DNAAF4: variants seen among roughly 807,000 people sequenced by gnomAD.
The protein encoded by DNAAF4 is dynein axonemal assembly factor 4.
A neutral mutation model predicts 51.8 loss-of-function variants in DNAAF4; 43 were observed. The observed-to-expected ratio is 0.83, with a 90% CI of 0.65 to 1.07. The LOEUF (loss-of-function observed/expected upper bound fraction) is 1.07, where lower values mean the gene tolerates loss of function less well. Among genes scored for constraint, DNAAF4 ranks in the 50% least tolerant of loss-of-function variants. The pLI, the probability that DNAAF4 is intolerant of heterozygous loss-of-function variation, is 0.00. For synonymous variants in DNAAF4, 194 were observed against 165.6 expected, an observed-to-expected ratio of 1.17 and a Z score of -1.32; for missense variants, 581 against 493.0, an observed-to-expected ratio of 1.18 and a Z score of -1.69.
At chr15:55,439,021 C>T (rs1204134658) in intron 7 of DNAAF4, among the ~76,000 whole-genome samples, 1 of 152,066 alleles carries the variant, frequency 6.6e-6, no homozygotes, top group East Asian at 1.9e-4. Context: ...AATATGGATG[C>T]CCTGTCTACC....
chr15:55,436,995 C>CT lies in DNAAF4; in HGVS notation c.894-1938dup, dbSNP rs1363475195. ...GCCACCACACCCAGCTAATTTTGTA[C>CT]TTTTAGTAAAGACAGGGTTTCTCCT... On this transcript the variant is annotated intron_variant, in intron 7 of 9. Transcript: ENST00000321149. Among the ~76,000 whole-genome samples, 3 of 151,598 alleles carry CT rather than the reference C, an allele frequency of 2.0e-5. No homozygotes were observed. The East Asian group carries it at 5.9e-4, about 30-fold the overall frequency.
intron 5 of DNAAF4, among the ~76,000 whole-genome samples, chr15:55,455,011 A>C (rs973198376): frequency 1.3e-5 from 2 of 150,222 alleles, no homozygotes; most frequent in Non-Finnish European, 3.0e-5. Context: ...GTAAATAAAA[A>C]CTTTATGAAA....
intron 7 of DNAAF4, among the ~76,000 whole-genome samples, chr15:55,421,713 C>A (rs960868540): frequency 6.6e-6 from 1 of 151,286 alleles, no homozygotes; most frequent in Non-Finnish European, 1.5e-5. Flanking sequence ...ATGGAGAAAC[C>A]CCATCTCCAC....
chr15:55,477,000 G>A (rs1351997017), intron 4 of DNAAF4, among the ~76,000 whole-genome samples: 2 of 151,988 alleles, frequency 1.3e-5, no homozygotes. Context: ...GTGAAACCCC[G>A]TCTCTACTAA....
chr15:55,448,826 C>A (rs1030190160), intron 6 of DNAAF4, among the ~76,000 whole-genome samples: 1 of 150,442 alleles, frequency 6.6e-6, no homozygotes, highest in African/African-American at 2.4e-5. Flanking sequence ...GCGGAGACTG[C>A]GCCACTGCAC....
chr15:55,502,737 C>T (rs932935563), intron 1 of DNAAF4, among the ~76,000 whole-genome samples: 5 of 152,114 alleles, frequency 3.3e-5, no homozygotes, highest in African/African-American at 9.7e-5. Context: ...AGAACAAAGA[C>T]ACAACGTACC....
intron 6 of DNAAF4, among the ~76,000 whole-genome samples, chr15:55,445,788 C>T (rs1402015136): frequency 6.9e-5 from 10 of 145,420 alleles, no homozygotes; most frequent in Non-Finnish European, 1.1e-4. Flanking sequence ...CGGGCAGAGG[C>T]GCTCCCCGCT....
intron 6 of DNAAF4, among the ~76,000 whole-genome samples, chr15:55,448,532 GTGTGTGTGTGT>G (rs2057878351): frequency 7.7e-6 from 1 of 129,730 alleles, no homozygotes; most frequent in African/African-American, 3.1e-5. Flanking sequence ...GTGTGTGTGT[GTGTGTGTGTGT>G]GTGTGTGTGT....
chr15:55,448,520 GTGTGT>G (rs1427352141), intron 6 of DNAAF4, among the ~76,000 whole-genome samples: 2,506 of 30,414 alleles, frequency 0.082, 129 homozygotes, highest in Non-Finnish European at 0.094. Context: ...AAAAAAAAGG[GTGTGT>G]GTGTGTGTGT....
At chr15:55,432,253 T>A (rs1300681222) in intron 9 of DNAAF4, among the ~76,000 whole-genome samples, 1 of 152,186 alleles carries the variant, frequency 6.6e-6, no homozygotes, top group Admixed American at 6.6e-5. Flanking sequence ...ACCCAGCTAA[T>A]ATAGCATTTT....
chr15:55,483,848 T>A lies in DNAAF4; in HGVS notation c.405+7275A>T, dbSNP rs1297811818. On this transcript the variant is annotated intron_variant, in intron 4 of 9. Transcript: ENST00000321149. ...GCCAATAAAGCTTTTTTTTTTTTTTTTTTTTTTTTTTTTTTTTTTTTTTAA... is the reference window on the plus strand; with the variant it reads ...GCCAATAAAGCTTTTTTTTTTTTTTATTTTTTTTTTTTTTTTTTTTTTTAA... Among the ~76,000 whole-genome samples the A allele has an allele frequency of 8.9e-4, 63 of 71,092 alleles. 1 individual carries two copies. Among genetic ancestry groups the A allele is most frequent in the Non-Finnish European group, 1.6e-3 (39 of 24,354 alleles). 46.6% of individuals were successfully genotyped at this position (71,092 alleles called of 152,430 possible). A position where few individuals can be genotyped will look rare whatever the true frequency, so the allele number is the denominator to read the frequency against.
chr15:55,475,116 G>C (rs1472528470), intron 4 of DNAAF4, among the ~76,000 whole-genome samples: 2 of 152,198 alleles, frequency 1.3e-5, no homozygotes, highest in Admixed American at 1.3e-4. Context: ...AATATTATAA[G>C]TATGTTGATG....
At chr15:55,432,355 T>C in intron 9 of DNAAF4, 142 bp downstream of exon 9, 1 of 548,640 alleles carries the variant, frequency 1.8e-6, no homozygotes, top group South Asian at 3.2e-5. Flanking sequence ...TTGTCAGATA[T>C]ACTGCAGACA....
intron 7 of DNAAF4, among the ~76,000 whole-genome samples, chr15:55,420,398 T>A (rs1566993879): frequency 6.6e-6 from 1 of 150,714 alleles, no homozygotes; most frequent in Non-Finnish European, 1.5e-5. Flanking sequence ...GATAATTGGG[T>A]CTGAGTATCT....
intron 5 of DNAAF4, among the ~76,000 whole-genome samples, chr15:55,458,503 T>C (rs997590692): frequency 3.3e-5 from 5 of 152,030 alleles, no homozygotes; most frequent in Non-Finnish European, 7.4e-5. Context: ...AAAAAAAGAA[T>C]TTTAAAAAAT....
At chr15:55,437,943 T>C (rs749791202) in intron 7 of DNAAF4, among the ~76,000 whole-genome samples, 2 of 152,090 alleles carry the variant, frequency 1.3e-5, no homozygotes, top group Admixed American at 1.3e-4. Flanking sequence ...GTTATAGAAG[T>C]AATAAGTAAT....
intron 6 of DNAAF4, among the ~76,000 whole-genome samples, chr15:55,444,247 C>G (rs576793923): frequency 2.6e-5 from 4 of 152,338 alleles, no homozygotes; most frequent in African/African-American, 9.6e-5. Context: ...GATCCAGTTT[C>G]AGCTTTCTAC....
chr15:55,445,866 GCTCCTCACTTCCCAGATGCGGCA>G (rs2057794661), intron 6 of DNAAF4, among the ~76,000 whole-genome samples: 2 of 132,596 alleles, frequency 1.5e-5, no homozygotes, highest in East Asian at 2.3e-4. Context: ...GGGCAGAGGC[GCTCCTCACTTCCCAGATGCGGCA>G]GCCAGGCAGA....
chr15:55,474,993 CA>C (rs1317055496), intron 4 of DNAAF4, among the ~76,000 whole-genome samples: 1 of 152,028 alleles, frequency 6.6e-6, no homozygotes, highest in African/African-American at 2.4e-5. Flanking sequence ...ACAAAACAAA[CA>C]AACAAAAAAT....
Sources: gnomAD v4.1 joint callset for allele counts (sites outside exome capture counted in the v4.1 genomes callset) on GRCh38, gnomAD v4.1.1 for gene constraint, MANE v1.5 for transcripts, NCBI Gene and HGNC (gene_info 2026-07-23, HGNC 2026-07-21) for gene names.